Variants in ANKRD6 observed in about 807,000 individuals in gnomAD.
The protein encoded by ANKRD6 is ankyrin repeat domain 6, also known as ankyrin repeat domain-containing protein 6.
A neutral mutation model predicts 82.3 loss-of-function variants in ANKRD6; 56 were observed. The observed-to-expected ratio is 0.68, with a 90% CI of 0.55 to 0.85. The LOEUF is 0.85. ANKRD6 is among the 40% of genes least tolerant of loss of function. The pLI is 0.00. For synonymous variants in ANKRD6, 347 were observed against 352.1 expected (o/e 0.99, Z 0.16); for missense variants, 852 against 907.6 (o/e 0.94, Z 0.79).
intron 14 of ANKRD6, chr6:89,628,778 A>AC (rs1563168420): frequency 1.1e-5 from 3 of 264,328 alleles, no homozygotes; most frequent in Non-Finnish European, 2.2e-5. Flanking sequence ...CTCAAAAAAC[A>AC]AACAAACAAA....
intron 7 of ANKRD6, among the ~76,000 whole-genome samples, chr6:89,614,436 A>C (rs890923854): frequency 6.6e-6 from 1 of 152,136 alleles, no homozygotes; most frequent in Non-Finnish European, 1.5e-5. Context: ...CTTCGAGTTC[A>C]GGAGTTCAAG....
At chr6:89,496,290 C>T (rs146472665) in intron 1 of ANKRD6, among the ~76,000 whole-genome samples, 34 of 151,564 alleles carry the variant, frequency 2.2e-4, no homozygotes, top group East Asian at 3.9e-4. Context: ...TTCTAGGGTA[C>T]GCCGTAAGTG....
chr6:89,541,285 T>A (rs1206389822), intron 1 of ANKRD6, among the ~76,000 whole-genome samples: 1 of 151,980 alleles, frequency 6.6e-6, no homozygotes, highest in Non-Finnish European at 1.5e-5. Flanking sequence ...CATTTTTTGG[T>A]GTCCTCTTCA....
chr6:89,570,063 ATGTGTG>A (rs10651458), intron 2 of ANKRD6, among the ~76,000 whole-genome samples: 2 of 148,870 alleles, frequency 1.3e-5, no homozygotes, highest in African/African-American at 2.5e-5. Flanking sequence ...ATGTGTGTAT[ATGTGTG>A]TGTGTGTGTG....
intron 1 of ANKRD6, among the ~76,000 whole-genome samples, chr6:89,445,739 T>A (rs142561901): frequency 6.6e-6 from 1 of 151,826 alleles, no homozygotes; most frequent in Non-Finnish European, 1.5e-5. Flanking sequence ...CCACTGCGCC[T>A]GGCTCAATTT....
chr6:89,527,616 A>G (rs1444234438), intron 1 of ANKRD6, among the ~76,000 whole-genome samples: 2 of 150,914 alleles, frequency 1.3e-5, no homozygotes, highest in African/African-American at 4.9e-5. Context: ...AAAAAAAAAA[A>G]AAAAAAAAAA....
At chr6:89,617,311 C>T (rs1423761390) in intron 8 of ANKRD6, among the ~76,000 whole-genome samples, 2 of 152,134 alleles carry the variant, frequency 1.3e-5, no homozygotes, top group Non-Finnish European at 2.9e-5. Context: ...TATCTAGCTC[C>T]CCTCTTTCTC....
chr6:89,546,325 A>AAT (rs1284403896), intron 1 of ANKRD6, among the ~76,000 whole-genome samples: 1 of 152,208 alleles, frequency 6.6e-6, no homozygotes, highest in East Asian at 1.9e-4. Context: ...AAACTTAAGA[A>AAT]ATATATATAC....
At chr6:89,608,354 T>TACACACACACACACACACACAC (rs540574068) in intron 5 of ANKRD6, among the ~76,000 whole-genome samples, 94 of 137,390 alleles carry the variant, frequency 6.8e-4, no homozygotes, top group East Asian at 5.0e-3. Flanking sequence ...CCCTCCCTAA[T>TACACACACACACACACACACAC]ACACACACAC....
At chr6:89,477,933 TG>T (rs1268005614) in intron 1 of ANKRD6, among the ~76,000 whole-genome samples, 1 of 152,212 alleles carries the variant, frequency 6.6e-6, no homozygotes, top group Non-Finnish European at 1.5e-5. Flanking sequence ...TGTATAATTA[TG>T]AACTCATAAA....
intron 1 of ANKRD6, among the ~76,000 whole-genome samples, chr6:89,555,769 T>C (rs928032308): frequency 2.0e-5 from 3 of 152,078 alleles, no homozygotes; most frequent in Non-Finnish European, 2.9e-5. Flanking sequence ...GGGATGAGAC[T>C]ATGCATGGAT....
At chr6:89,494,948 G>A (rs1393871975) in intron 1 of ANKRD6, among the ~76,000 whole-genome samples, 1 of 152,176 alleles carries the variant, frequency 6.6e-6, no homozygotes, top group Non-Finnish European at 1.5e-5. Flanking sequence ...CAGATAAGAA[G>A]CCAAGGCCGG....
intron 1 of ANKRD6, among the ~76,000 whole-genome samples, chr6:89,524,713 A>G (rs539547315): frequency 6.6e-6 from 1 of 152,104 alleles, no homozygotes; most frequent in South Asian, 2.1e-4. Flanking sequence ...TCTTTTTCAT[A>G]TAATGACTTC....
intron 1 of ANKRD6, among the ~76,000 whole-genome samples, chr6:89,548,172 C>T (rs556923268): frequency 6.6e-6 from 1 of 152,222 alleles, no homozygotes; most frequent in Non-Finnish European, 1.5e-5. Context: ...AAAAAGACAT[C>T]CCATACCCAT....
intron 6 of ANKRD6, 106 bp downstream of exon 6, chr6:89,612,476 AAAGTATTTGGGG>A: frequency 8.4e-7 from 1 of 1,195,832 alleles, no homozygotes. Flanking sequence ...TAAAATGTAA[AAAGTATTTGGGG>A]ACTATCTCTA....
chr6:89,468,091 A>T (rs994338209), intron 1 of ANKRD6, among the ~76,000 whole-genome samples: 11 of 152,278 alleles, frequency 7.2e-5, no homozygotes, highest in East Asian at 5.8e-4. Context: ...AAATTAGGCG[A>T]CCCACACCAA....
At chr6:89,609,418 C>G (rs1193870124) in intron 5 of ANKRD6, among the ~76,000 whole-genome samples, 1 of 152,100 alleles carries the variant, frequency 6.6e-6, no homozygotes, top group Non-Finnish European at 1.5e-5. Context: ...TCTCCTGCCT[C>G]ACCCTCCCGA....
At chr6:89,458,227 G>A (rs1773709448) in intron 1 of ANKRD6, among the ~76,000 whole-genome samples, 1 of 152,150 alleles carries the variant, frequency 6.6e-6, no homozygotes, top group Admixed American at 6.5e-5. Context: ...AATAATAAGT[G>A]GAAATTATGA....
At chr6:89,602,031 C>G (rs1272131408) in intron 3 of ANKRD6, 2 of 152,190 alleles carry the variant, frequency 1.3e-5, no homozygotes, top group Admixed American at 6.5e-5. Context: ...CTGGGATCAT[C>G]CAGGGTGACA....
Sources: allele counts gnomAD v4.1 joint callset (sites outside exome capture counted in the v4.1 genomes callset), GRCh38; gene constraint gnomAD v4.1.1; transcripts MANE v1.5; gene names NCBI Gene and HGNC (gene_info 2026-07-23, HGNC 2026-07-21).